ADIPOR1: variants seen among roughly 807,000 people sequenced by gnomAD.
ADIPOR1 encodes adiponectin receptor protein 1.
In ADIPOR1, 15 loss-of-function variants were observed where a neutral mutation model predicts 37.5. That is an observed-to-expected ratio of 0.40 (90% CI 0.27 to 0.62). ADIPOR1 has a LOEUF of 0.62. ADIPOR1 is among the 20% of genes least tolerant of loss of function. The pLI is 0.42. For synonymous variants in ADIPOR1, 173 were observed against 173.2 expected, an observed-to-expected ratio of 1.00 and a Z score of 0.01; for missense variants, 286 against 478.0, an observed-to-expected ratio of 0.60 and a Z score of 3.75.
At chr1:202,942,969 A>C (rs1654158524) in intron 6 of ADIPOR1, among the ~76,000 whole-genome samples, 1 of 151,158 alleles carries the variant, frequency 6.6e-6, no homozygotes, top group Admixed American at 6.6e-5. Flanking sequence ...ACCAGGTTCA[A>C]GTGATTCTCC....
At chr1:202,944,915 G>T in intron 5 of ADIPOR1, 68 bp downstream of exon 5, 1 of 1,448,548 alleles carries the variant, frequency 6.9e-7, no homozygotes, top group Non-Finnish European at 9.4e-7. Flanking sequence ...CTATCACCCA[G>T]TAAGCACTGG....
upstream of ADIPOR1, chr1:202,958,457 T>TCCCTGCCGCCTG: frequency 6.5e-6 from 1 of 153,440 alleles, no homozygotes; most frequent in Non-Finnish European, 1.5e-5. Flanking sequence ...TGCCCCGCCT[T>TCCCTGCCGCCTG]CCCTGCCGCC....
rs149048193 is a variant in ADIPOR1, at chr1:202,949,891, A to G, written c.141+1039T>C. ...ACTCAGGCTGCACTTTCTAACCTCC[A>G]CTGCAGCTGAATATAGTTATGTAAG... On this transcript the variant is annotated intron_variant, in intron 2 of 7. Transcript: ENST00000340990. Among the ~76,000 whole-genome samples, 629 of 152,076 alleles carry G rather than the reference A, an allele frequency of 4.1e-3. 1 individual carries two copies. The highest frequency in any genetic ancestry group is 7.4e-3 in the Admixed American group (113 of 15,266).
chr1:202,952,747 T>C (rs1370945553), intron 1 of ADIPOR1, among the ~76,000 whole-genome samples: 1 of 152,236 alleles, frequency 6.6e-6, no homozygotes. Flanking sequence ...GTGTGGGACT[T>C]AGCCTCCATA....
chr1:202,942,806 TG>T (rs370753322), intron 6 of ADIPOR1, among the ~76,000 whole-genome samples: 41 of 152,266 alleles, frequency 2.7e-4, no homozygotes, highest in African/African-American at 8.9e-4. Context: ...GCACAGTGCA[TG>T]GCACGTGGCT....
chr1:202,943,681 TA>T (rs1238625196), intron 6 of ADIPOR1, 76 bp downstream of exon 6: 1 of 1,489,830 alleles, frequency 6.7e-7, no homozygotes, highest in African/African-American at 1.4e-5. Flanking sequence ...CTGCAAACCT[TA>T]AGGCTCAAAT....
At chr1:202,958,084 TCCC>T (rs979841825) in intron 1 of ADIPOR1, 98 bp downstream of exon 1, 2 of 152,152 alleles carry the variant, frequency 1.3e-5, no homozygotes, top group African/African-American at 4.8e-5. Context: ...CGGAGCGGGT[TCCC>T]CCAACAGCTG....
intron 1 of ADIPOR1, among the ~76,000 whole-genome samples, chr1:202,953,896 A>C (rs192245264): frequency 6.6e-6 from 1 of 152,336 alleles, no homozygotes; most frequent in Admixed American, 6.5e-5. Flanking sequence ...ATTTTACTAG[A>C]GGCAATGAGA....
chr1:202,953,132 G>C (rs1657618605), intron 1 of ADIPOR1, among the ~76,000 whole-genome samples: 1 of 151,998 alleles, frequency 6.6e-6, no homozygotes. Flanking sequence ...CCGTGTGAGA[G>C]GGACACAAGG....
chr1:202,954,597 T>C (rs1654705905), intron 1 of ADIPOR1, among the ~76,000 whole-genome samples: 1 of 152,226 alleles, frequency 6.6e-6, no homozygotes, highest in Non-Finnish European at 1.5e-5. Context: ...GCAAATTATA[T>C]TTGAGCCAAA....
intron 6 of ADIPOR1, 80 bp downstream of exon 6, chr1:202,943,678 C>A (rs913131902): frequency 1.3e-6 from 2 of 1,488,790 alleles, no homozygotes; most frequent in Non-Finnish European, 1.8e-6. Context: ...AAGCTGCAAA[C>A]CTTAAGGCTC....
Position 202,950,831 on chromosome 1 carries a change from G to A in ADIPOR1, c.141+99C>T, listed in dbSNP as rs1484808395. 8.0e-6 allele frequency: 12 copies of A among 1,490,940 alleles called. No homozygotes were observed. In the African/African-American group the frequency reaches 1.7e-4, roughly 21 times the overall value. 92.4% of individuals were successfully genotyped at this position (1,490,940 alleles called of 1,614,324 possible). Reference sequence around the variant, plus strand: ...GATAGAGACATTTCCAGGATGCAATGTTCCTCCTTTTGGACGGTGAGCTCT... The same window carrying A: ...GATAGAGACATTTCCAGGATGCAATATTCCTCCTTTTGGACGGTGAGCTCT... On this transcript the variant is annotated intron_variant, in intron 2 of 7. Transcript: ENST00000340990.
chr1:202,949,593 A>AAAAAAAAAAC (rs1332418254), intron 2 of ADIPOR1, among the ~76,000 whole-genome samples: 43 of 138,382 alleles, frequency 3.1e-4, no homozygotes, highest in Admixed American at 5.7e-4. Flanking sequence ...AAAAAAAAAA[A>AAAAAAAAAAC]AAAACACACC....
intron 5 of ADIPOR1, 72 bp downstream of exon 5, chr1:202,944,911 C>T (rs1348787829): frequency 4.9e-6 from 7 of 1,427,294 alleles, no homozygotes; most frequent in Non-Finnish European, 5.7e-6. Context: ...GCTCCTATCA[C>T]CCAGTAAGCA....
intron 3 of ADIPOR1, 91 bp from the exon 4 acceptor site, chr1:202,946,701 A>G (rs1654336123): frequency 7.3e-7 from 1 of 1,367,282 alleles, no homozygotes; most frequent in African/African-American, 1.4e-5. Context: ...AGAAGATGTC[A>G]GTCAGGCTCT....
At chr1:202,953,719 A>T (rs1654671617) in intron 1 of ADIPOR1, among the ~76,000 whole-genome samples, 2 of 151,950 alleles carry the variant, frequency 1.3e-5, no homozygotes, top group South Asian at 4.1e-4. Context: ...ATACAAGTTG[A>T]ACAAGTTATA....
At chr1:202,943,272 T>G (rs568329009) in intron 6 of ADIPOR1, among the ~76,000 whole-genome samples, 135 of 152,346 alleles carry the variant, frequency 8.9e-4, no homozygotes, top group African/African-American at 3.1e-3. Flanking sequence ...AATAAAAGCT[T>G]AAAATAAGAG....
intron 2 of ADIPOR1, 55 bp from the exon 3 acceptor site, chr1:202,948,475 T>C: frequency 6.6e-7 from 1 of 1,520,976 alleles, no homozygotes; most frequent in Non-Finnish European, 9.1e-7. Flanking sequence ...AATTGTACTA[T>C]TCCAGAGCAG....
At chr1:202,943,626 T>A in intron 6 of ADIPOR1, 132 bp downstream of exon 6, 1 of 1,009,270 alleles carries the variant, frequency 9.9e-7, no homozygotes, top group Non-Finnish European at 1.4e-6. Flanking sequence ...GATGCTGTTT[T>A]GAAAGTTCTG....
Sources: allele counts gnomAD v4.1 joint callset (sites outside exome capture counted in the v4.1 genomes callset), GRCh38; gene constraint gnomAD v4.1.1; transcripts MANE v1.5; gene names NCBI Gene and HGNC (gene_info 2026-07-23, HGNC 2026-07-21).